Variants in LRRIQ3 observed in about 807,000 individuals in gnomAD.
LRRIQ3 encodes the protein leucine rich repeats and IQ motif containing 3.
Under a neutral mutation model 59.3 loss-of-function variants are expected in LRRIQ3, and 75 were observed. The ratio of observed to expected loss-of-function variants is 1.26; its 90% CI spans 1.05 to 1.53. The LOEUF (loss-of-function observed/expected upper bound fraction) is 1.53, where lower values mean the gene tolerates loss of function less well. Ranked by LOEUF, LRRIQ3 falls within the 40% of genes most tolerant of loss-of-function variation. LRRIQ3 has a pLI of 0.00. For synonymous variants in LRRIQ3, 250 were observed against 231.3 expected, an observed-to-expected ratio of 1.08 and a Z score of -0.73; for missense variants, 831 against 710.0, an observed-to-expected ratio of 1.17 and a Z score of -1.94.
intron 4 of LRRIQ3, among the ~76,000 whole-genome samples, chr1:74,118,766 C>A (rs1432342738): frequency 6.6e-6 from 1 of 152,068 alleles, no homozygotes; most frequent in Non-Finnish European, 1.5e-5. Flanking sequence ...GCTGGCAAGT[C>A]TGAAATCTGT....
chr1:74,101,470 AC>A (rs1463736922), intron 5 of LRRIQ3, among the ~76,000 whole-genome samples: 1 of 152,184 alleles, frequency 6.6e-6, no homozygotes, highest in Non-Finnish European at 1.5e-5. Context: ...GGGACGGTAA[AC>A]CAGTTCAAGC....
At position 74,054,764 on chromosome 1, in the gene LRRIQ3, A is replaced by ATATATATATC. The variant is rs1282233588; in HGVS notation, c.998-12832_998-12831insGATATATATA. Among the ~76,000 whole-genome samples, 261 of 147,732 alleles carry ATATATATATC rather than the reference A, an allele frequency of 1.8e-3. 1 individual carries two copies. Among genetic ancestry groups the ATATATATATC allele is most frequent in the Non-Finnish European group, 2.3e-3 (154 of 66,966 alleles). ...AATATATATATATATATATCTATAT[A>ATATATATATC]TCTACATACACATACATATAAATAC... On this transcript the variant is annotated intron_variant, in intron 6 of 7. Coordinates refer to ENST00000354431, the MANE Select transcript of LRRIQ3 (RefSeq NM_001105659.2).
chr1:74,181,789 G>A (rs991227162), intron 3 of LRRIQ3: 4 of 151,400 alleles, frequency 2.6e-5, no homozygotes, highest in East Asian at 1.9e-4. Flanking sequence ...GTTTTTCCAC[G>A]CATAATCACT....
intron 4 of LRRIQ3, among the ~76,000 whole-genome samples, chr1:74,143,467 T>C (rs767611048): frequency 1.3e-5 from 2 of 151,982 alleles, no homozygotes; most frequent in African/African-American, 2.4e-5. Context: ...TATGCAAAGC[T>C]AGACAATATT....
chr1:74,084,199 C>G (rs1414833898), intron 5 of LRRIQ3: 3 of 1,546,400 alleles, frequency 1.9e-6, no homozygotes, highest in Admixed American at 3.9e-5. Context: ...GAAAATTGAC[C>G]CATAATTTTT....
intron 6 of LRRIQ3, among the ~76,000 whole-genome samples, chr1:74,057,950 G>T (rs1332700883): frequency 6.6e-6 from 1 of 152,016 alleles, no homozygotes. Flanking sequence ...TATAAAACTT[G>T]CCAGCAGGTA....
At chr1:74,075,392 C>A (rs1646193525) in intron 5 of LRRIQ3, among the ~76,000 whole-genome samples, 1 of 151,942 alleles carries the variant, frequency 6.6e-6, no homozygotes, top group Admixed American at 6.6e-5. Flanking sequence ...CATGGCGAAA[C>A]CCTGTCTCTA....
intron 3 of LRRIQ3, among the ~76,000 whole-genome samples, chr1:74,177,152 C>T (rs1649692254): frequency 6.6e-6 from 1 of 152,192 alleles, no homozygotes; most frequent in South Asian, 2.1e-4. Context: ...TGTTGCTGAA[C>T]TTTGTCAGCT....
At chr1:74,196,795 G>A (rs1391184685) in intron 1 of LRRIQ3, among the ~76,000 whole-genome samples, 1 of 152,120 alleles carries the variant, frequency 6.6e-6, no homozygotes, top group Non-Finnish European at 1.5e-5. Flanking sequence ...TCCTGGTCAA[G>A]CCTTCACCAG....
Position 74,041,847 on chromosome 1 carries a change from C to T in LRRIQ3, c.1084G>A (p.Gly362Ser). 1 of 1,613,310 alleles carries T rather than the reference C, an allele frequency of 6.2e-7. No individual in the cohort carries two copies. The highest frequency in any genetic ancestry group is 1.7e-4 in the Middle Eastern group (1 of 6,050). ...AATACTGCATTATTCTTCAATGAAC[C>T]TGAAGTGTATATGGGTAGTTTGAAA... ...SVFKLPIYTS[G>S]SLKNNAVLRE... is the part of the protein sequence containing the mutation. Residue 362 changes from glycine to serine, a missense_variant, in exon 7 of 8, where the codon GGT (glycine) becomes AGT (serine). Coordinates refer to ENST00000354431, the MANE Select transcript of LRRIQ3 (RefSeq NM_001105659.2).
intron 5 of LRRIQ3, among the ~76,000 whole-genome samples, chr1:74,107,684 T>C (rs1413939801): frequency 3.3e-5 from 5 of 150,594 alleles, no homozygotes; most frequent in South Asian, 4.1e-4. Context: ...CAGCAGAAGA[T>C]TGAAGGACAA....
intron 5 of LRRIQ3, chr1:74,084,292 A>G: frequency 1.4e-6 from 2 of 1,409,448 alleles, no homozygotes; most frequent in Non-Finnish European, 1.9e-6. Context: ...ATTAGTTAAC[A>G]ATAATCAGCA....
chr1:74,165,804 C>T (rs1165892814), intron 3 of LRRIQ3, among the ~76,000 whole-genome samples: 1 of 151,488 alleles, frequency 6.6e-6, no homozygotes, highest in Non-Finnish European at 1.5e-5. Context: ...TGAAATTTGT[C>T]AAATTTTTTT....
At chr1:74,122,264 A>G (rs997198147) in intron 4 of LRRIQ3, among the ~76,000 whole-genome samples, 21 of 152,060 alleles carry the variant, frequency 1.4e-4, no homozygotes, top group Non-Finnish European at 2.9e-4. Flanking sequence ...TGACTTTTTA[A>G]TGATCGCTAT....
intron 4 of LRRIQ3, among the ~76,000 whole-genome samples, chr1:74,122,337 A>T (rs1646871454): frequency 6.6e-6 from 1 of 152,142 alleles, no homozygotes; most frequent in Non-Finnish European, 1.5e-5. Flanking sequence ...GCCAGTGATG[A>T]TGAGCATTTT....
intron 6 of LRRIQ3, among the ~76,000 whole-genome samples, chr1:74,060,297 CTCT>C (rs1251555705): frequency 1.4e-5 from 2 of 145,852 alleles, no homozygotes; most frequent in African/African-American, 5.1e-5. Context: ...CCTCTTCCTC[CTCT>C]TCCTCTTCTT....
intron 7 of LRRIQ3, among the ~76,000 whole-genome samples, chr1:74,038,472 C>A (rs115784519): frequency 0.011 from 1,693 of 152,296 alleles, 13 homozygotes; most frequent in Middle Eastern, 0.031. Flanking sequence ...CAAAGTGCTT[C>A]GCTAAACAGG....
intron 6 of LRRIQ3, among the ~76,000 whole-genome samples, chr1:74,071,805 A>C (rs960306552): frequency 6.6e-6 from 1 of 152,026 alleles, no homozygotes. Flanking sequence ...ACTAACTCAG[A>C]CTCTCTGGGG....
rs750510096 is a variant in LRRIQ3 at position 74,197,938 on chromosome 1, C to T, written c.-1+58G>A. 1.6e-3 allele frequency: 544 copies of T among 334,016 alleles called. 1 individual carries two copies. The highest frequency in any genetic ancestry group is 2.5e-3 in the Non-Finnish European group (458 of 182,746). 20.7% of individuals were successfully genotyped at this position (334,016 alleles called of 1,614,324 possible). ...AAGCTGGGAAGCTAGAATGTAGTTT[C>T]GCCTTATCCTTAGCGGGTCGGTTCT... is the stretch of plus-strand genomic sequence containing the variant. On this transcript the variant is annotated intron_variant, in intron 1 of 7. Transcript: ENST00000354431.
Sources: gnomAD v4.1 joint callset for allele counts (sites outside exome capture counted in the v4.1 genomes callset) on GRCh38, gnomAD v4.1.1 for gene constraint, MANE v1.5 for transcripts, NCBI Gene and HGNC (gene_info 2026-07-23, HGNC 2026-07-21) for gene names.